MESD: variants seen among roughly 807,000 people sequenced by gnomAD.
The protein encoded by MESD is mesoderm development LRP chaperone, also known as LRP chaperone MESD.
In MESD, 7 loss-of-function variants were observed where a neutral mutation model predicts 12.9. The ratio of observed to expected loss-of-function variants is 0.54; its 90% CI spans 0.31 to 1.02. The LOEUF is 1.02. Ranked by LOEUF, MESD falls within the 50% of genes least tolerant of loss-of-function variation. MESD has a pLI of 0.05. For synonymous variants in MESD, 126 were observed against 115.6 expected (o/e 1.09, Z -0.58); for missense variants, 342 against 296.7 (o/e 1.15, Z -1.12).
chr15:80,967,397 G>C (rs960793788), intron 3 of MESD, among the ~76,000 whole-genome samples: 2 of 152,216 alleles, frequency 1.3e-5, no homozygotes, highest in Admixed American at 1.3e-4. Flanking sequence ...TCTATCCTAA[G>C]GGAGTCAGGG....
intron 2 of MESD, among the ~76,000 whole-genome samples, chr15:80,980,820 CTTT>C (rs67729328): frequency 2.1e-5 from 3 of 142,548 alleles, no homozygotes; most frequent in African/African-American, 2.6e-5. Context: ...AATAAATGCC[CTTT>C]TTTTTTTTTT....
At chr15:80,947,851 T>TAACA (rs1297318178) in exon 5 of MESD, 2 of 152,276 alleles carry the variant, frequency 1.3e-5, no homozygotes, top group South Asian at 4.1e-4. Flanking sequence ...ACCAAGAATT[T>TAACA]AACAGCCAAG....
At chr15:80,981,842 C>G (rs1171304052) in intron 2 of MESD, 108 bp downstream of exon 2, 2 of 866,678 alleles carry the variant, frequency 2.3e-6, no homozygotes, top group East Asian at 2.7e-5. Context: ...GCAACAAGAG[C>G]AAAACTCTGT....
intron 1 of MESD, among the ~76,000 whole-genome samples, chr15:80,986,184 G>A (rs576110307): frequency 1.3e-5 from 2 of 152,118 alleles, no homozygotes; most frequent in South Asian, 2.1e-4. Context: ...CAAATACCGC[G>A]CATTCTCCTT....
downstream of MESD, among the ~76,000 whole-genome samples, chr15:80,973,168 A>G (rs1032702568): frequency 2.0e-4 from 30 of 152,228 alleles, no homozygotes; most frequent in African/African-American, 5.5e-4. Flanking sequence ...ATCTTGGCCA[A>G]ATGAAAACAG....
At chr15:80,986,686 C>G (rs1902743367) in intron 1 of MESD, among the ~76,000 whole-genome samples, 1 of 152,184 alleles carries the variant, frequency 6.6e-6, no homozygotes, top group African/African-American at 2.4e-5. Context: ...GAGCGGGGGG[C>G]CAGGGACAAG....
chr15:80,989,638 T>C lies in MESD; in HGVS notation c.154A>G (p.Lys52Glu), dbSNP rs932599029. ...DESTPPPRKK[K>E]KDIRDYNDAD... ...TCATTGTAATCGCGAATATCCTTCT[T>C]CTTCTTCCGGGGAGGTGGGGTAGAC... The change falls in exon 1 of 3, where the codon AAG (lysine) becomes GAG (glutamate). Residue 52 changes from lysine (K) to glutamate (E), a missense_variant. Transcript: ENST00000261758. The C allele has an allele frequency of 7.4e-5, 119 of 1,613,846 alleles. No homozygotes were observed. The highest frequency in any genetic ancestry group is 9.8e-5 in the Non-Finnish European group (116 of 1,180,014).
chr15:80,982,496 A>G (rs1313016293), intron 1 of MESD, among the ~76,000 whole-genome samples: 1 of 152,242 alleles, frequency 6.6e-6, no homozygotes, highest in Non-Finnish European at 1.5e-5. Flanking sequence ...TGGTCACACA[A>G]TGAAATACTT....
chr15:80,955,770 G>A (rs1901969121), intron 3 of MESD, among the ~76,000 whole-genome samples: 1 of 151,590 alleles, frequency 6.6e-6, no homozygotes, highest in African/African-American at 2.4e-5. Flanking sequence ...ACAGGCCTGA[G>A]CCACCACGCC....
chr15:80,984,837 C>A (rs914102018), intron 1 of MESD, among the ~76,000 whole-genome samples: 1 of 152,126 alleles, frequency 6.6e-6, no homozygotes, highest in African/African-American at 2.4e-5. Context: ...AGGGCCAAGG[C>A]TTAAGATACC....
rs1902488873 is a variant in MESD, at chr15:80,978,771, A to C, written c.*448T>G. 1 of 156,566 alleles carries C rather than the reference A, an allele frequency of 6.4e-6. No individual in the cohort carries two copies. Among genetic ancestry groups the C allele is most frequent in the Non-Finnish European group, 1.4e-5 (1 of 71,222 alleles). 9.7% of individuals were successfully genotyped at this position (156,566 alleles called of 1,614,324 possible). On this transcript the variant is annotated 3_prime_UTR_variant, in exon 3 of 3. Coordinates refer to ENST00000261758, the MANE Select transcript of MESD (RefSeq NM_015154.3). Reference sequence around the variant, plus strand: ...GTTCACAAAGCATATTTTACCTTTAACATAATGAAAATGATGTATATGGCA... The same window carrying C: ...GTTCACAAAGCATATTTTACCTTTACCATAATGAAAATGATGTATATGGCA...
At position 80,976,737 on chromosome 15, in the gene MESD, A is replaced by G. The variant is rs1902427877; in HGVS notation, c.*2482T>C. 6.6e-6 allele frequency: 1 copy of G among 152,252 alleles called. No homozygotes were observed. Among genetic ancestry groups the G allele is most frequent in the African/African-American group, 2.4e-5 (1 of 41,462 alleles). 9.4% of individuals were successfully genotyped at this position (152,252 alleles called of 1,614,324 possible). A position where few individuals can be genotyped will look rare whatever the true frequency, so the allele number is the denominator to read the frequency against. ...AGGAATTTACCTTTCAGATATAAACAAAAGTGTACCGAAATATTTTGTATG... is the reference window on the plus strand; with the variant it reads ...AGGAATTTACCTTTCAGATATAAACGAAAGTGTACCGAAATATTTTGTATG... On this transcript the variant is annotated 3_prime_UTR_variant, in exon 3 of 3. Coordinates refer to ENST00000261758, the MANE Select transcript of MESD (RefSeq NM_015154.3).
exon 5 of MESD, chr15:80,948,063 G>C (rs1046738599): frequency 1.3e-4 from 20 of 153,550 alleles, no homozygotes; most frequent in African/African-American, 4.1e-4. Context: ...TTCCAGCCCA[G>C]TCCTGAAATC....
chr15:80,978,823 A>G lies in MESD; in HGVS notation c.*396T>C, dbSNP rs948118640. On this transcript the variant is annotated 3_prime_UTR_variant, in exon 3 of 3. Coordinates refer to ENST00000261758, the MANE Select transcript of MESD (RefSeq NM_015154.3). ...GAAGAGTTTACTCAATTAAGTCAAGAGTTTTAAAGTCTTCTCTGATCAGAA... is the reference window on the plus strand; with the variant it reads ...GAAGAGTTTACTCAATTAAGTCAAGGGTTTTAAAGTCTTCTCTGATCAGAA... 2.2e-5 allele frequency: 4 copies of G among 181,678 alleles called. No individual in the cohort carries two copies. The highest frequency in any genetic ancestry group is 9.4e-5 in the African/African-American group (4 of 42,452). 11.3% of individuals were successfully genotyped at this position (181,678 alleles called of 1,614,324 possible). A position where few individuals can be genotyped will look rare whatever the true frequency, so the allele number is the denominator to read the frequency against.
intron 3 of MESD, among the ~76,000 whole-genome samples, chr15:80,970,107 C>T (rs1239373146): frequency 2.0e-5 from 3 of 152,152 alleles, no homozygotes; most frequent in Admixed American, 6.5e-5. Flanking sequence ...AGATATTTTG[C>T]AAGCACAGAC....
intron 1 of MESD, among the ~76,000 whole-genome samples, chr15:80,988,608 C>T (rs1163451203): frequency 1.3e-5 from 2 of 152,218 alleles, no homozygotes; most frequent in African/African-American, 2.4e-5. Context: ...CTGCATTCTT[C>T]TAGTCAGATG....
intron 3 of MESD, among the ~76,000 whole-genome samples, chr15:80,953,329 T>C (rs1901890536): frequency 6.6e-6 from 1 of 152,136 alleles, no homozygotes. Context: ...CAGGGAGGAC[T>C]TGGAAAGCAG....
chr15:80,949,462 A>C (rs1202578454), intron 4 of MESD: 1 of 186,802 alleles, frequency 5.4e-6, no homozygotes, highest in Non-Finnish European at 1.1e-5. Flanking sequence ...CTTGGGGAAG[A>C]GGCAAGCCCT....
At chr15:80,956,820 C>CTTTTTTT (rs367724106) in intron 3 of MESD, among the ~76,000 whole-genome samples, 2,177 of 150,748 alleles carry the variant, frequency 0.014, 56 homozygotes, top group African/African-American at 0.051. Context: ...CATCTTCTCT[C>CTTTTTTT]TTTTTTTTTG....
Sources: gnomAD v4.1 joint callset for allele counts (sites outside exome capture counted in the v4.1 genomes callset) on GRCh38, gnomAD v4.1.1 for gene constraint, MANE v1.5 for transcripts, NCBI Gene and HGNC (gene_info 2026-07-23, HGNC 2026-07-21) for gene names.